PDCL3: variants seen among roughly 807,000 people sequenced by gnomAD.
PDCL3 encodes phosducin like 3, also known as phosducin-like protein 3.
A neutral mutation model predicts 26.5 loss-of-function variants in PDCL3; 22 were observed. That is an observed-to-expected ratio of 0.83 (90% CI 0.59 to 1.19). PDCL3 has a LOEUF of 1.19. Ranked by LOEUF, PDCL3 falls within the 50% of genes most tolerant of loss-of-function variation. PDCL3 has a pLI of 0.00. For synonymous variants in PDCL3, 81 were observed against 104.9 expected (o/e 0.77, Z 1.39); for missense variants, 246 against 294.1 (o/e 0.84, Z 1.20).
At chr2:100,576,041 C>A (rs1675279162) in intron 5 of PDCL3, among the ~76,000 whole-genome samples, 1 of 152,040 alleles carries the variant, frequency 6.6e-6, no homozygotes, top group Admixed American at 6.6e-5. Context: ...ATTATAAGCA[C>A]ACACCACCAC....
At chr2:100,575,271 G>A in intron 5 of PDCL3, among the ~76,000 whole-genome samples, 1 of 152,182 alleles carries the variant, frequency 6.6e-6, no homozygotes. Flanking sequence ...GAGTAGCTGG[G>A]ACTACAGGCA....
At chr2:100,572,137 C>T (rs941814203) in intron 5 of PDCL3, 6 of 281,110 alleles carry the variant, frequency 2.1e-5, no homozygotes, top group Admixed American at 2.0e-4. Context: ...CACAGGGAGA[C>T]GTTAATGTAT....
intron 4 of PDCL3, among the ~76,000 whole-genome samples, chr2:100,570,028 T>A (rs1265559164): frequency 6.6e-6 from 1 of 152,084 alleles, no homozygotes; most frequent in Non-Finnish European, 1.5e-5. Context: ...GAGAATGGCA[T>A]GAACCCGGGA....
At chr2:100,570,618 C>T (rs538216818) in intron 4 of PDCL3, among the ~76,000 whole-genome samples, 1 of 151,962 alleles carries the variant, frequency 6.6e-6, no homozygotes, top group East Asian at 1.9e-4. Context: ...GCTGGGATTA[C>T]AGGCGCCTGC....
rs1175270569 is a variant in PDCL3 at position 100,566,483 on chromosome 2, C to T, written c.7-20C>T. ...ATACTAGACTTAGCACTCATGGTAA[C>T]CTTGGTCCCGCTCTTCTAGGACCCC... On this transcript the variant is annotated intron_variant, in intron 1 of 5. Coordinates refer to ENST00000264254, the MANE Select transcript of PDCL3 (RefSeq NM_024065.5). 2.5e-6 allele frequency: 4 copies of T among 1,611,302 alleles called. No individual in the cohort carries two copies. The highest frequency in any genetic ancestry group is 3.4e-6 in the Non-Finnish European group (4 of 1,179,470).
intron 1 of PDCL3, 152 bp from the exon 2 acceptor site, chr2:100,566,351 G>C (rs1309874544): frequency 9.8e-7 from 1 of 1,024,402 alleles, no homozygotes; most frequent in East Asian, 2.6e-5. Flanking sequence ...CAAAACGGGG[G>C]CTATGGATCT....
rs553334266 is a variant in PDCL3, at chr2:100,575,319, T to G, written c.578-1035T>G. ...CCTGGCTAATTTTTTGTATTTTTAGTAGAGACGGGGTTTCACCGTGTTAGC... is the reference window on the plus strand; with the variant it reads ...CCTGGCTAATTTTTTGTATTTTTAGGAGAGACGGGGTTTCACCGTGTTAGC... On this transcript the variant is annotated intron_variant, in intron 5 of 5. Transcript: ENST00000264254. Among the ~76,000 whole-genome samples the G allele has an allele frequency of 1.4e-4, 21 of 152,238 alleles. No homozygotes were observed. In the South Asian group the frequency reaches 2.9e-3, roughly 21 times the overall value.
At position 100,576,734 on chromosome 2, in the gene PDCL3, A is replaced by G. The variant is rs1044981555; in HGVS notation, c.*238A>G. 1.4e-5 allele frequency: 5 copies of G among 366,622 alleles called. No homozygotes were observed. The highest frequency in any genetic ancestry group is 4.8e-5 in the East Asian group (1 of 20,852). The allele number at this position is 366,622 out of a possible 1,614,324, so 22.7% of individuals were successfully genotyped here. Reference sequence around the variant, plus strand: ...ATTAAAACCAGCCATTTGTATGGCAAATGTCTGTTTTCCTCATTTATATTT... The same window carrying G: ...ATTAAAACCAGCCATTTGTATGGCAGATGTCTGTTTTCCTCATTTATATTT... On this transcript the variant is annotated 3_prime_UTR_variant, in exon 6 of 6. Transcript: ENST00000264254.
intron 4 of PDCL3, among the ~76,000 whole-genome samples, chr2:100,570,952 C>A (rs938968089): frequency 1.3e-5 from 2 of 151,924 alleles, no homozygotes; most frequent in East Asian, 3.9e-4. Context: ...TTCACTTTCC[C>A]TCAGCATATT....
At chr2:100,569,479 C>A in intron 3 of PDCL3, 99 bp from the exon 4 acceptor site, 1 of 1,396,128 alleles carries the variant, frequency 7.2e-7, no homozygotes, top group Non-Finnish European at 9.6e-7. Context: ...TGCCATAAGA[C>A]CAATAAATAA....
At chr2:100,567,414 C>T (rs1675078078) in intron 2 of PDCL3, among the ~76,000 whole-genome samples, 1 of 151,800 alleles carries the variant, frequency 6.6e-6, no homozygotes, top group Admixed American at 6.6e-5. Flanking sequence ...GGGAGACAGA[C>T]AATAAACAAT....
intron 2 of PDCL3, among the ~76,000 whole-genome samples, chr2:100,567,969 T>G (rs1675091291): frequency 6.6e-6 from 1 of 152,066 alleles, no homozygotes; most frequent in Admixed American, 6.6e-5. Flanking sequence ...ATTACAGACA[T>G]GTGCCACCAC....
In PDCL3 at chr2:100,571,834, A is replaced by G. The variant is rs371084503; in HGVS notation, c.577+36A>G. 8 of 1,595,522 alleles carry G rather than the reference A, an allele frequency of 5.0e-6. No homozygotes were observed. The East Asian group carries it at 1.6e-4, about 31-fold the overall frequency. On this transcript the variant is annotated intron_variant, in intron 5 of 5. Transcript: ENST00000264254. ...TGGGAGACAGGCGGGGCAGTGAGAG[A>G]TGGGAGGCGCATTTCTGTTGGAGAG...
At chr2:100,565,976 T>G (rs1397312195) in intron 1 of PDCL3, among the ~76,000 whole-genome samples, 1 of 152,176 alleles carries the variant, frequency 6.6e-6, no homozygotes, top group African/African-American at 2.4e-5. Flanking sequence ...CGATCTCGGC[T>G]CACTGCAAGC....
In PDCL3 at chr2:100,571,773, T is replaced by C. The variant is rs774395603; in HGVS notation, c.552T>C (p.Phe184=). 8.1e-6 allele frequency: 13 copies of C among 1,614,000 alleles called. No homozygotes were observed. Among genetic ancestry groups the C allele is most frequent in the Middle Eastern group, 1.6e-4 (1 of 6,084 alleles). ...CTCAGTTTATTGGTCCTCTGGTGTT[T>C]GGCGGCATGAACCTGACAAGAGATG... ...IKAQFIGPLV[F]GGMNLTRDEL... Residue 184 remains phenylalanine (F), a synonymous_variant, in exon 5 of 6, where the codon TTT becomes TTC. Transcript: ENST00000264254.
In PDCL3 at chr2:100,575,351, G is replaced by A. The variant is rs536311862; in HGVS notation, c.578-1003G>A. Among the ~76,000 whole-genome samples, 47 of 152,240 alleles carry A rather than the reference G, an allele frequency of 3.1e-4. No homozygotes were observed. In the East Asian group the frequency reaches 5.0e-3, roughly 16 times the overall value. On this transcript the variant is annotated intron_variant, in intron 5 of 5. Coordinates refer to ENST00000264254, the MANE Select transcript of PDCL3 (RefSeq NM_024065.5). ...GGGGTTTCACCGTGTTAGCCAGGAT[G>A]GTCTCGATCTCCAGACTTCGTGATC...
intron 5 of PDCL3, among the ~76,000 whole-genome samples, chr2:100,573,618 A>G (rs890084233): frequency 6.6e-6 from 1 of 151,214 alleles, no homozygotes; most frequent in Non-Finnish European, 1.5e-5. Context: ...GGTTGCAGTG[A>G]GCCAAGATCA....
intron 3 of PDCL3, among the ~76,000 whole-genome samples, 176 bp downstream of exon 3, chr2:100,569,197 C>G (rs1298844388): frequency 1.3e-5 from 2 of 151,632 alleles, no homozygotes; most frequent in Non-Finnish European, 2.9e-5. Context: ...TTGAGACCAG[C>G]CTGTGAAACC....
rs1675292816 is a variant in PDCL3 at position 100,576,650 on chromosome 2, T to C, written c.*154T>C. The C allele has an allele frequency of 2.5e-6, 2 of 808,368 alleles. No homozygotes were observed. The highest frequency in any genetic ancestry group is 1.7e-6 in the Non-Finnish European group (1 of 601,362). The allele number at this position is 808,368 out of a possible 1,614,324, so 50.1% of individuals were successfully genotyped here. ...TTTGGAAATAATCATTGCTGGAGAT[T>C]CTGTTAAATATTTTGGAACTCTTTT... On this transcript the variant is annotated 3_prime_UTR_variant, in exon 6 of 6. Transcript: ENST00000264254.
Sources: allele counts gnomAD v4.1 joint callset (sites outside exome capture counted in the v4.1 genomes callset), GRCh38; gene constraint gnomAD v4.1.1; transcripts MANE v1.5; gene names NCBI Gene and HGNC (gene_info 2026-07-23, HGNC 2026-07-21).